FOXJ3: variants seen among roughly 807,000 people sequenced by gnomAD.
FOXJ3 encodes forkhead box J3.
Under a neutral mutation model 76.1 loss-of-function variants are expected in FOXJ3, and 22 were observed. The observed-to-expected ratio is 0.29, with a 90% confidence interval of 0.21 to 0.41. FOXJ3 has a LOEUF of 0.41. Among genes scored for constraint, FOXJ3 ranks in the 10% least tolerant of loss-of-function variants. The probability of loss-of-function intolerance (pLI) is 1.00; values close to 1 mark genes in which losing one functional copy is unlikely to be tolerated. For missense variants in FOXJ3, 613 were observed against 762.1 expected (o/e 0.80, Z 2.30); for synonymous variants, 269 against 261.2 (o/e 1.03, Z -0.29).
chr1:42,279,750 A>T (rs1352417222), intron 2 of FOXJ3, among the ~76,000 whole-genome samples: 2 of 152,176 alleles, frequency 1.3e-5, no homozygotes, highest in African/African-American at 4.8e-5. Flanking sequence ...ACAATAAAGT[A>T]GAGAAGAATG....
At chr1:42,214,425 G>GT (rs564902183) in intron 5 of FOXJ3, among the ~76,000 whole-genome samples, 204 of 152,288 alleles carry the variant, frequency 1.3e-3, no homozygotes, top group African/African-American at 4.1e-3. Context: ...GACAAAGAAA[G>GT]TATCGATGAA....
At chr1:42,303,873 G>C (rs1308296279) in intron 2 of FOXJ3, among the ~76,000 whole-genome samples, 4 of 152,118 alleles carry the variant, frequency 2.6e-5, no homozygotes, top group Non-Finnish European at 4.4e-5. Flanking sequence ...CTAAGAAACA[G>C]CAAACCTATT....
intron 8 of FOXJ3, among the ~76,000 whole-genome samples, chr1:42,192,609 T>C (rs557935944): frequency 6.6e-6 from 1 of 152,336 alleles, no homozygotes; most frequent in South Asian, 2.1e-4. Context: ...AAGCCAAAAA[T>C]GTTTAATGTT....
At chr1:42,250,798 CAAAAAAAAAA>C (rs61431089) in intron 4 of FOXJ3, among the ~76,000 whole-genome samples, 1 of 23,772 alleles carries the variant, frequency 4.2e-5, no homozygotes, top group African/African-American at 1.7e-4. Context: ...AACTCCATCT[CAAAAAAAAAA>C]AAAAAAAAAA....
At chr1:42,333,404 C>T (rs1192501964) in intron 1 of FOXJ3, among the ~76,000 whole-genome samples, 5 of 151,816 alleles carry the variant, frequency 3.3e-5, no homozygotes, top group African/African-American at 1.2e-4. Flanking sequence ...ACGTTCTAGC[C>T]TCATCCAAAA....
chr1:42,258,855 C>G (rs1650812651), intron 4 of FOXJ3, among the ~76,000 whole-genome samples: 1 of 152,078 alleles, frequency 6.6e-6, no homozygotes, highest in African/African-American at 2.4e-5. Context: ...AACGAATTCC[C>G]AAGAAACAGA....
intron 4 of FOXJ3, among the ~76,000 whole-genome samples, chr1:42,231,705 C>T (rs1034218178): frequency 1.5e-4 from 23 of 152,058 alleles, no homozygotes; most frequent in East Asian, 9.6e-4. Context: ...TACAGTGGCA[C>T]GACCATGGCG....
intron 1 of FOXJ3, among the ~76,000 whole-genome samples, chr1:42,327,946 A>G (rs939381877): frequency 1.3e-5 from 2 of 152,168 alleles, no homozygotes; most frequent in Admixed American, 6.5e-5. Context: ...CAGACTCTAC[A>G]TTGATTTGAA....
chr1:42,184,927 G>T (rs1412142422), intron 11 of FOXJ3, among the ~76,000 whole-genome samples: 1 of 152,138 alleles, frequency 6.6e-6, no homozygotes, highest in Non-Finnish European at 1.5e-5. Context: ...ACACCAGGGA[G>T]ACCAGCAGTG....
intron 4 of FOXJ3, among the ~76,000 whole-genome samples, chr1:42,256,247 CA>C (rs1353894784): frequency 6.6e-6 from 1 of 152,092 alleles, no homozygotes; most frequent in African/African-American, 2.4e-5. Flanking sequence ...CACCAAAATT[CA>C]AATTTTCTAC....
intron 1 of FOXJ3, among the ~76,000 whole-genome samples, chr1:42,317,653 GATA>G (rs1235374643): frequency 3.3e-5 from 5 of 151,932 alleles, no homozygotes; most frequent in Admixed American, 1.3e-4. Flanking sequence ...TTTAATAGAA[GATA>G]ATAATACGAC....
rs1646254425 is a variant in FOXJ3 at position 42,178,427 on chromosome 1, G to A, written c.*1283C>T. 6.6e-6 allele frequency: 1 copy of A among 152,208 alleles called. No individual in the cohort carries two copies. The highest frequency in any genetic ancestry group is 1.5e-5 in the Non-Finnish European group (1 of 68,038). 9.4% of individuals were successfully genotyped at this position (152,208 alleles called of 1,614,324 possible). On this transcript the variant is annotated 3_prime_UTR_variant, in exon 13 of 13. Transcript: ENST00000361346. ...AGAGAAATCTATTCACATGGTAAAA[G>A]GAGTGATGATAGAGAATGACACAAT...
intron 1 of FOXJ3, among the ~76,000 whole-genome samples, chr1:42,325,795 G>T (rs896981859): frequency 2.6e-5 from 4 of 152,128 alleles, no homozygotes; most frequent in Non-Finnish European, 5.9e-5. Flanking sequence ...TTAATTTCTT[G>T]ATCAGCAGAG....
chr1:42,222,051 GAAGAAGAAGA>G lies in FOXJ3; in HGVS notation c.528+5822_528+5831del, dbSNP rs1557649583. Among the ~76,000 whole-genome samples, 33 of 88,866 alleles carry G rather than the reference GAAGAAGAAGA, an allele frequency of 3.7e-4. 4 individuals are homozygous for G. The highest frequency in any genetic ancestry group is 1.7e-3 in the African/African-American group (33 of 19,508). 58.3% of individuals were successfully genotyped at this position (88,866 alleles called of 152,430 possible). A position where few individuals can be genotyped will look rare whatever the true frequency, so the allele number is the denominator to read the frequency against. ...AGGGGGAGGAGAAGGAGAAGGAGAA[GAAGAAGAAGA>G]AGAAGAAGAAGAAGAAGAAGAAGAA... is the stretch of plus-strand genomic sequence containing the variant. On this transcript the variant is annotated intron_variant, in intron 5 of 12. Coordinates refer to ENST00000361346, the MANE Select transcript of FOXJ3 (RefSeq NM_014947.5).
intron 1 of FOXJ3, among the ~76,000 whole-genome samples, 188 bp from the exon 2 acceptor site, chr1:42,311,298 G>T (rs1654793437): frequency 6.6e-6 from 1 of 151,982 alleles, no homozygotes; most frequent in Non-Finnish European, 1.5e-5. Context: ...GTCATAAGAG[G>T]GATTACACTC....
intron 5 of FOXJ3, among the ~76,000 whole-genome samples, chr1:42,222,558 G>C (rs1437268744): frequency 6.6e-6 from 1 of 152,130 alleles, no homozygotes; most frequent in Non-Finnish European, 1.5e-5. Flanking sequence ...TTAGTGCTTA[G>C]AATACAAAAG....
chr1:42,261,291 C>A (rs563298423), intron 4 of FOXJ3, among the ~76,000 whole-genome samples: 1 of 151,236 alleles, frequency 6.6e-6, no homozygotes, highest in East Asian at 1.9e-4. Context: ...AGATAGACTG[C>A]AGAATGTATA....
At chr1:42,230,834 C>T (rs1227820406) in intron 4 of FOXJ3, among the ~76,000 whole-genome samples, 1 of 152,132 alleles carries the variant, frequency 6.6e-6, no homozygotes, top group Admixed American at 6.5e-5. Context: ...AATCATCCAG[C>T]AATTCCACTT....
chr1:42,316,261 T>A (rs191664592), intron 1 of FOXJ3, among the ~76,000 whole-genome samples: 12 of 149,744 alleles, frequency 8.0e-5, no homozygotes, highest in African/African-American at 2.7e-4. Context: ...CTCGAACTTC[T>A]GAGCTCAAGC....
Sources: allele counts gnomAD v4.1 joint callset (sites outside exome capture counted in the v4.1 genomes callset), GRCh38; gene constraint gnomAD v4.1.1; transcripts MANE v1.5; gene names NCBI Gene and HGNC (gene_info 2026-07-23, HGNC 2026-07-21).